The following NPHP1 variants were observed in gnomAD, a reference collection of about 807,000 sequenced individuals.
NPHP1 encodes the protein nephrocystin-1.
Under a neutral mutation model 90.4 loss-of-function variants are expected in NPHP1, and 70 were observed. The observed-to-expected ratio is 0.77, with a 90% confidence interval of 0.64 to 0.95. The LOEUF is 0.95. NPHP1 is among the 40% of genes least tolerant of loss of function. NPHP1 has a pLI of 0.00. For missense variants in NPHP1, 764 were observed against 795.9 expected (o/e 0.96, Z 0.48); for synonymous variants, 256 against 271.7 (o/e 0.94, Z 0.57).
chr2:110,189,300 G>T (rs1236686816), intron 2 of NPHP1, among the ~76,000 whole-genome samples: 2 of 152,136 alleles, frequency 1.3e-5, no homozygotes, highest in African/African-American at 4.8e-5. Flanking sequence ...TCCAGAGTTT[G>T]TTCCTTCTGA....
chr2:110,192,043 C>T (rs1684790593), intron 2 of NPHP1, among the ~76,000 whole-genome samples: 1 of 152,024 alleles, frequency 6.6e-6, no homozygotes, highest in Non-Finnish European at 1.5e-5. Context: ...TAGATAAAAC[C>T]ACAGAGATGG....
At chr2:110,129,409 A>G (rs1679618118) in intron 17 of NPHP1, 150 bp from the exon 18 acceptor site, 1 of 719,948 alleles carries the variant, frequency 1.4e-6, no homozygotes, top group African/African-American at 1.7e-5. Context: ...GGAGAGCTCA[A>G]AGCTGTCCCT....
chr2:110,183,258 G>C (rs2104631616), intron 2 of NPHP1, among the ~76,000 whole-genome samples: 1 of 152,286 alleles, frequency 6.6e-6, no homozygotes. Context: ...GGGTTTACCA[G>C]AATGAGGGAA....
At chr2:110,160,645 C>A (rs745369433) in intron 10 of NPHP1, among the ~76,000 whole-genome samples, 11 of 152,134 alleles carry the variant, frequency 7.2e-5, no homozygotes, top group Non-Finnish European at 1.3e-4. Context: ...TTAAGATTAT[C>A]CCCACTATTT....
At chr2:110,136,601 G>A (rs896372974) in intron 16 of NPHP1, among the ~76,000 whole-genome samples, 4 of 152,036 alleles carry the variant, frequency 2.6e-5, no homozygotes, top group Non-Finnish European at 4.4e-5. Flanking sequence ...AAATACCTAG[G>A]AATCCAACTT....
chr2:110,196,950 T>C (rs988425292), intron 2 of NPHP1, among the ~76,000 whole-genome samples: 1 of 151,990 alleles, frequency 6.6e-6, no homozygotes, highest in Non-Finnish European at 1.5e-5. Context: ...TGTGCAGCCA[T>C]AAAAAGGAAC....
chr2:110,183,349 C>T (rs1409617369), intron 2 of NPHP1, among the ~76,000 whole-genome samples: 1 of 152,190 alleles, frequency 6.6e-6, no homozygotes, highest in Admixed American at 6.5e-5. Context: ...CGATCTGTGC[C>T]TTAAGGACAT....
At chr2:110,136,556 G>C (rs1180605443) in intron 16 of NPHP1, among the ~76,000 whole-genome samples, 1 of 152,094 alleles carries the variant, frequency 6.6e-6, no homozygotes, top group Non-Finnish European at 1.5e-5. Flanking sequence ...CAAATCATGA[G>C]TGAACTCCCA....
At chr2:110,125,777 G>C (rs1180284075) in intron 18 of NPHP1, 96 bp from the exon 19 acceptor site, 1 of 1,003,984 alleles carries the variant, frequency 1.0e-6, no homozygotes, top group African/African-American at 1.6e-5. Flanking sequence ...TATGGACAGG[G>C]TTAAAAATGC....
intron 5 of NPHP1, 73 bp downstream of exon 5, chr2:110,169,733 C>T (rs1304467148): frequency 6.4e-5 from 63 of 981,886 alleles, no homozygotes; most frequent in Non-Finnish European, 9.8e-5. Flanking sequence ...TACAGGTGTA[C>T]AGGCAGAGTT....
chr2:110,191,325 G>A (rs947475934), intron 2 of NPHP1, among the ~76,000 whole-genome samples: 12 of 152,160 alleles, frequency 7.9e-5, no homozygotes, highest in Admixed American at 4.6e-4. Context: ...CTAATACTGC[G>A]CTTTTCCCAC....
chr2:110,168,764 T>C, intron 5 of NPHP1, among the ~76,000 whole-genome samples: 1 of 152,160 alleles, frequency 6.6e-6, no homozygotes, highest in Non-Finnish European at 1.5e-5. Flanking sequence ...CATAGTTTAA[T>C]GAATCATTCC....
chr2:110,166,613 A>G (rs1682745597), intron 6 of NPHP1, among the ~76,000 whole-genome samples: 2 of 152,306 alleles, frequency 1.3e-5, no homozygotes, highest in Middle Eastern at 3.4e-3. Context: ...GCAGCCTCAC[A>G]TCAGAAACAG....
At chr2:110,196,420 G>A (rs1359636380) in intron 2 of NPHP1, among the ~76,000 whole-genome samples, 1 of 152,142 alleles carries the variant, frequency 6.6e-6, no homozygotes, top group Non-Finnish European at 1.5e-5. Context: ...ATCATCACTG[G>A]CCATCAGGGA....
rs1018246690 is a variant in NPHP1, at chr2:110,123,634, T to C, written c.*157A>G. On this transcript the variant is annotated 3_prime_UTR_variant, in exon 20 of 20. Transcript: ENST00000445609. ...ATGGTTTTAAAAAATATTTAAATTA[T>C]TGTATAAACATTTCTTTAAAAATAT... 20 of 659,934 alleles carry C rather than the reference T, an allele frequency of 3.0e-5. No individual in the cohort carries two copies. The African/African-American group carries it at 3.3e-4, about 11-fold the overall frequency. 40.9% of individuals were successfully genotyped at this position (659,934 alleles called of 1,614,324 possible).
intron 4 of NPHP1, among the ~76,000 whole-genome samples, chr2:110,176,636 G>A (rs1296954516): frequency 6.6e-6 from 1 of 152,022 alleles, no homozygotes; most frequent in East Asian, 1.9e-4. Context: ...TTCCTGATAA[G>A]GTCTGCTTTT....
intron 1 of NPHP1, among the ~76,000 whole-genome samples, chr2:110,204,607 A>T (rs1685803445): frequency 6.6e-6 from 1 of 152,070 alleles, no homozygotes; most frequent in Non-Finnish European, 1.5e-5. Flanking sequence ...TTGTTAGGGT[A>T]GGAGGTTGAG....
chr2:110,164,906 T>C (rs1682609282), intron 7 of NPHP1, 146 bp downstream of exon 7: 2 of 871,520 alleles, frequency 2.3e-6, no homozygotes. Flanking sequence ...AAAACAGTAA[T>C]GATCTTTAAG....
chr2:110,123,926 A>G lies in NPHP1; in HGVS notation c.1899T>C (p.Thr633=), dbSNP rs2104409055. 2 of 1,614,160 alleles carry G rather than the reference A, an allele frequency of 1.2e-6. No individual in the cohort carries two copies. The highest frequency in any genetic ancestry group is 1.7e-6 in the Non-Finnish European group (2 of 1,180,006). Residue 633 remains threonine, a synonymous_variant, in exon 20 of 20, where the codon ACT becomes ACC. Transcript: ENST00000445609. Reference sequence around the variant, plus strand: ...TTTCTTGGTTTTGCTTAAGGAAGTCAGTGATAACTTTCCACCGTGCAGTCT... The same window carrying G: ...TTTCTTGGTTTTGCTTAAGGAAGTCGGTGATAACTTTCCACCGTGCAGTCT... The part of the protein sequence containing the change: ...ETETARWKVI[T]DFLKQNQENQ...
Sources: allele counts gnomAD v4.1 joint callset (sites outside exome capture counted in the v4.1 genomes callset), GRCh38; gene constraint gnomAD v4.1.1; transcripts MANE v1.5; gene names NCBI Gene and HGNC (gene_info 2026-07-23, HGNC 2026-07-21).